BCAS3: variants seen among roughly 807,000 people sequenced by gnomAD.
BCAS3 encodes the protein BCAS3 microtubule associated cell migration factor.
BCAS3 carries 53 observed loss-of-function variants against 116.1 expected under a neutral mutation model. The observed-to-expected ratio is 0.46, with a 90% CI of 0.37 to 0.57. BCAS3 has a LOEUF of 0.57. Ranked by LOEUF, BCAS3 falls within the 20% of genes least tolerant of loss-of-function variation. The probability of loss-of-function intolerance (pLI) is 0.00; values close to 1 mark genes in which losing one functional copy is unlikely to be tolerated. For synonymous variants in BCAS3, 391 were observed against 408.2 expected, an observed-to-expected ratio of 0.96 and a Z score of 0.51; for missense variants, 917 against 1,165.4, an observed-to-expected ratio of 0.79 and a Z score of 3.10.
chr17:61,248,839 C>A lies in BCAS3; in HGVS notation c.2426-119488C>A, dbSNP rs943677467. Reference sequence around the variant, plus strand: ...TGAAGCAGTATATTCACCTTTTACACTTCAAACCACTTGGAGTATCTTAAA... The same window carrying A: ...TGAAGCAGTATATTCACCTTTTACAATTCAAACCACTTGGAGTATCTTAAA... On this transcript the variant is annotated intron_variant, in intron 22 of 23. Coordinates refer to ENST00000407086, the MANE Select transcript of BCAS3 (RefSeq NM_017679.5). This position sits in a 1 kb window ranked among gnomAD's most constrained non-coding sequence, Gnocchi z 4.3. Among the ~76,000 whole-genome samples, 6 of 152,222 alleles carry A rather than the reference C, an allele frequency of 3.9e-5. No individual in the cohort carries two copies. Among genetic ancestry groups the A allele is most frequent in the Non-Finnish European group, 8.8e-5 (6 of 68,038 alleles).
rs1227866768 is a variant in BCAS3, at chr17:61,285,682, C to A, written c.2426-82645C>A. On this transcript the variant is annotated intron_variant, in intron 22 of 23. Transcript: ENST00000407086. This position sits in a 1 kb window ranked among gnomAD's most constrained non-coding sequence, Gnocchi z 5.4. ...CTTCACTCCAGTGTGATTTACATTC[C>A]TAAGCCCTTTTACTAACTGAAGTAC... Among the ~76,000 whole-genome samples the A allele has an allele frequency of 1.3e-5, 2 of 152,158 alleles. No homozygotes were observed. The highest frequency in any genetic ancestry group is 2.9e-5 in the Non-Finnish European group (2 of 68,042).
intron 14 of BCAS3, among the ~76,000 whole-genome samples, chr17:60,977,255 C>G (rs2062463074): frequency 6.6e-6 from 1 of 152,198 alleles, no homozygotes; most frequent in Non-Finnish European, 1.5e-5. Context: ...TCATAGCTCA[C>G]TGCAGCCTCA....
chr17:60,752,577 C>G (rs1287494480), intron 6 of BCAS3, among the ~76,000 whole-genome samples: 1 of 152,004 alleles, frequency 6.6e-6, no homozygotes, highest in Non-Finnish European at 1.5e-5. Flanking sequence ...GCGCCCTCCA[C>G]CATGCCTGGC....
At chr17:60,690,779 G>C (rs563816936) in intron 4 of BCAS3, among the ~76,000 whole-genome samples, 1 of 151,384 alleles carries the variant, frequency 6.6e-6, no homozygotes, top group African/African-American at 2.4e-5. Flanking sequence ...AATTAGTCGG[G>C]CATAGTGGCA....
At chr17:60,740,518 AAAAAG>A (rs1176675794) in intron 5 of BCAS3, among the ~76,000 whole-genome samples, 1 of 151,528 alleles carries the variant, frequency 6.6e-6, no homozygotes, top group East Asian at 1.9e-4. Context: ...AAAAAAAAGA[AAAAAG>A]AAAAAAAAGG....
intron 22 of BCAS3, among the ~76,000 whole-genome samples, chr17:61,319,919 C>G (rs1243487978): frequency 7.4e-6 from 1 of 135,658 alleles, no homozygotes; most frequent in African/African-American, 2.9e-5. Flanking sequence ...GAGATAGAGT[C>G]TTGCTCTGTC....
At position 60,684,000 on chromosome 17, in the gene BCAS3, A is replaced by C. The variant is rs1191601311; in HGVS notation, c.102A>C (p.Glu34Asp). The change falls in exon 3 of 24, where the codon GAA becomes GAC. Residue 34 changes from glutamate (E) to aspartate (D), a missense_variant. By Grantham distance (45) the Glu-to-Asp change is conservative (BLOSUM62 2). Coordinates refer to ENST00000407086, the MANE Select transcript of BCAS3 (RefSeq NM_017679.5). ...PQAVTEQSYMESVVTFLQDVV... is the reference protein window; with the variant it reads ...PQAVTEQSYMDSVVTFLQDVV... ...TTTCCAGAGAGCAGTCCTACATGGA[A>C]AGTGTTGTGACTTTTCTGCAGGATG... The C allele has an allele frequency of 6.2e-7, 1 of 1,613,794 alleles. No homozygotes were observed. The highest frequency in any genetic ancestry group is 1.3e-5 in the African/African-American group (1 of 74,920).
chr17:60,941,130 A>G (rs76969170), intron 13 of BCAS3, among the ~76,000 whole-genome samples: 1,778 of 152,290 alleles, frequency 0.012, 35 homozygotes, highest in African/African-American at 0.039. Context: ...ACTTGAGGCT[A>G]AGAGTGAGGG....
At chr17:60,845,961 C>T (rs1242731387) in intron 7 of BCAS3, among the ~76,000 whole-genome samples, 2 of 151,182 alleles carry the variant, frequency 1.3e-5, no homozygotes, top group African/African-American at 4.9e-5. Context: ...CTTAGTCTCA[C>T]TCTGTCACTC....
chr17:60,766,135 C>T (rs1430232040), intron 6 of BCAS3, among the ~76,000 whole-genome samples: 1 of 152,116 alleles, frequency 6.6e-6, no homozygotes, highest in East Asian at 1.9e-4. Flanking sequence ...TTCGAACATC[C>T]TCCTTTAGCT....
Position 60,874,665 on chromosome 17 carries a change from C to T in BCAS3, c.588C>T (p.Ile196=). The T allele has an allele frequency of 6.2e-7, 1 of 1,601,590 alleles. No homozygotes were observed. Among genetic ancestry groups the T allele is most frequent in the Non-Finnish European group, 8.5e-7 (1 of 1,172,110 alleles). ...TTTTTTCTCTCTCTAATTTTAGGAT[C>T]CTTGTCGTAGTCTTGCAGGAGAAAA... ...PIYDLHCNKR[I]LVVVLQEKIA... is the part of the protein sequence containing the mutation. The change falls in exon 9 of 24, where the codon ATC becomes ATT. Residue 196 remains isoleucine (I), a synonymous_variant. Transcript: ENST00000407086.
intron 7 of BCAS3, among the ~76,000 whole-genome samples, chr17:60,823,936 T>C (rs1342639037): frequency 2.0e-5 from 3 of 152,204 alleles, no homozygotes; most frequent in East Asian, 1.9e-4. Flanking sequence ...GATTCTGATA[T>C]TGAATGTCCC....
At chr17:61,210,129 A>C (rs2081370755) in intron 22 of BCAS3, among the ~76,000 whole-genome samples, 1 of 152,220 alleles carries the variant, frequency 6.6e-6, no homozygotes, top group Non-Finnish European at 1.5e-5. Context: ...TCAGTTGTAG[A>C]GGGACTGTGT....
At chr17:61,274,281 A>ATTTTTT (rs780529516) in intron 22 of BCAS3, among the ~76,000 whole-genome samples, 5 of 96,240 alleles carry the variant, frequency 5.2e-5, no homozygotes, top group Admixed American at 1.1e-4. Flanking sequence ...AAATCTTTGA[A>ATTTTTT]TTTTTTTTTT....
intron 19 of BCAS3, among the ~76,000 whole-genome samples, chr17:61,067,271 GTGTATATATATATA>G (rs1379851433): frequency 7.3e-5 from 4 of 55,110 alleles, no homozygotes; most frequent in African/African-American, 3.0e-4. Flanking sequence ...ATGTGTGTAT[GTGTATATATATATA>G]TATATATATA....
chr17:61,280,838 T>C (rs1381407239), intron 22 of BCAS3, among the ~76,000 whole-genome samples: 1 of 152,196 alleles, frequency 6.6e-6, no homozygotes, highest in African/African-American at 2.4e-5. Context: ...GCAGCAAAGA[T>C]GGAGCTATCT....
chr17:61,070,710 C>T (rs1293069902), intron 19 of BCAS3, among the ~76,000 whole-genome samples: 2 of 152,102 alleles, frequency 1.3e-5, no homozygotes, highest in Non-Finnish European at 2.9e-5. Context: ...GCCCTTCCCA[C>T]AGATAATTTA....
chr17:60,826,237 G>T (rs528167350), intron 7 of BCAS3, among the ~76,000 whole-genome samples: 1 of 151,900 alleles, frequency 6.6e-6, no homozygotes, highest in Non-Finnish European at 1.5e-5. Context: ...AGGCTGGAGC[G>T]CAGCGGTGTA....
chr17:60,924,999 G>T (rs1323093681), intron 13 of BCAS3, among the ~76,000 whole-genome samples: 1 of 150,228 alleles, frequency 6.7e-6, no homozygotes, highest in Non-Finnish European at 1.5e-5. Flanking sequence ...CATACAATTT[G>T]TACTCTTAAT....
Sources: allele counts gnomAD v4.1 joint callset (sites outside exome capture counted in the v4.1 genomes callset), GRCh38; gene constraint gnomAD v4.1.1; non-coding constraint Gnocchi (gnomAD v3.1); transcripts MANE v1.5; gene names NCBI Gene and HGNC (gene_info 2026-07-23, HGNC 2026-07-21).